The following DYNC2LI1 variants were observed in gnomAD, a reference collection of about 807,000 sequenced individuals.
DYNC2LI1 encodes the protein cytoplasmic dynein 2 light intermediate chain 1.
DYNC2LI1 carries 45 observed loss-of-function variants against 51.9 expected under a neutral mutation model. That is an observed-to-expected ratio of 0.87 (90% confidence interval 0.68 to 1.11). The LOEUF (loss-of-function observed/expected upper bound fraction) is 1.11, where lower values mean the gene tolerates loss of function less well. Among genes scored for constraint, DYNC2LI1 ranks in the 50% most tolerant of loss-of-function variants. DYNC2LI1 has a pLI of 0.00. For missense variants in DYNC2LI1, 490 were observed against 417.4 expected, an observed-to-expected ratio of 1.17 and a Z score of -1.51; for synonymous variants, 130 against 137.8, an observed-to-expected ratio of 0.94 and a Z score of 0.40.
At chr2:43,812,876 G>T (rs1457203946), downstream of DYNC2LI1, 1 of 527,170 alleles carries the variant, frequency 1.9e-6, no homozygotes, top group East Asian at 3.3e-5. Context: ...TCTTGGGTCC[G>T]CTCAGTCACA....
intron 2 of DYNC2LI1, among the ~76,000 whole-genome samples, chr2:43,778,143 A>T (rs1044363564): frequency 6.6e-6 from 1 of 152,168 alleles, no homozygotes; most frequent in African/African-American, 2.4e-5. Context: ...ACCCAACTAT[A>T]TAAGTATATA....
the DYNC2LI1 span, chr2:43,824,176 A>G: frequency 6.2e-7 from 1 of 1,614,066 alleles, no homozygotes; most frequent in Non-Finnish European, 8.5e-7. Flanking sequence ...GGGGATGGCT[A>G]AAGACCTCTA....
At chr2:43,777,835 T>G (rs1673094611) in intron 2 of DYNC2LI1, among the ~76,000 whole-genome samples, 1 of 152,162 alleles carries the variant, frequency 6.6e-6, no homozygotes, top group African/African-American at 2.4e-5. Flanking sequence ...TTACATATAT[T>G]GGGAGAAATA....
At chr2:43,820,213 A>G in the DYNC2LI1 span, 1 of 1,278,900 alleles carries the variant, frequency 7.8e-7, no homozygotes, top group African/African-American at 1.5e-5. Context: ...AGAAGTTTGC[A>G]GGGCAAGCCA....
intron 1 of DYNC2LI1, among the ~76,000 whole-genome samples, chr2:43,776,376 T>C (rs1673023461): frequency 6.6e-6 from 1 of 152,344 alleles, no homozygotes; most frequent in African/African-American, 2.4e-5. Flanking sequence ...GAAAGATTAT[T>C]TGATACACTG....
chr2:43,792,264 T>G (rs1338914621), intron 5 of DYNC2LI1, among the ~76,000 whole-genome samples: 1 of 152,156 alleles, frequency 6.6e-6, no homozygotes, highest in African/African-American at 2.4e-5. Flanking sequence ...ACTTTCTGAA[T>G]TTAGACCAAC....
the DYNC2LI1 span, among the ~76,000 whole-genome samples, chr2:43,816,764 C>T: frequency 6.6e-6 from 1 of 152,184 alleles, no homozygotes; most frequent in Non-Finnish European, 1.5e-5. Context: ...ATATCTTATA[C>T]AACAGGATGA....
the DYNC2LI1 span, among the ~76,000 whole-genome samples, chr2:43,817,250 C>T: frequency 1.3e-5 from 2 of 152,076 alleles, no homozygotes; most frequent in African/African-American, 2.4e-5. Context: ...CTTGGGAGGC[C>T]GAGGCAGGGA....
chr2:43,813,685 G>GT (rs1274645376), downstream of DYNC2LI1, among the ~76,000 whole-genome samples: 50 of 19,212 alleles, frequency 2.6e-3, 1 homozygote, highest in Non-Finnish European at 4.4e-3. Context: ...TTTTTTTTTT[G>GT]TTTTTTTTGG....
chr2:43,824,918 G>A, the DYNC2LI1 span: 2 of 1,614,070 alleles, frequency 1.2e-6, no homozygotes, highest in Admixed American at 1.7e-5. Flanking sequence ...TGAATGTTCA[G>A]GACAAGGGTA....
At chr2:43,813,055 C>A, downstream of DYNC2LI1, 1 of 776,816 alleles carries the variant, frequency 1.3e-6, no homozygotes, top group Non-Finnish European at 2.4e-6. Context: ...TCATTTCAGA[C>A]GTTCAGAGCA....
chr2:43,797,801 AGCCACCATGCCTG>A, intron 8 of DYNC2LI1, among the ~76,000 whole-genome samples: 1 of 152,240 alleles, frequency 6.6e-6, no homozygotes, highest in South Asian at 2.1e-4. Context: ...TACAAGCGTG[AGCCACCATGCCTG>A]GCCAAAACAT....
At chr2:43,827,285 A>G in the DYNC2LI1 span, among the ~76,000 whole-genome samples, 2 of 151,458 alleles carry the variant, frequency 1.3e-5, no homozygotes, top group South Asian at 4.2e-4. Flanking sequence ...AGATCGCACC[A>G]CTGCACTCCA....
chr2:43,790,111 G>A (rs1448279872), intron 5 of DYNC2LI1, among the ~76,000 whole-genome samples: 1 of 152,174 alleles, frequency 6.6e-6, no homozygotes, highest in Non-Finnish European at 1.5e-5. Context: ...AGTATTATAA[G>A]CTACCTTTGA....
At position 43,802,792 on chromosome 2, in the gene DYNC2LI1, A is replaced by G. The variant is rs368465921; in HGVS notation, c.802+1083A>G. Among the ~76,000 whole-genome samples, 5 of 152,216 alleles carry G rather than the reference A, an allele frequency of 3.3e-5. 1 individual carries two copies. The highest frequency in any genetic ancestry group is 2.0e-4 in the Admixed American group (3 of 15,272). ...TTTCAAACCACATATATGACAAAGG[A>G]CTAGTGTTTAGAATATATAAACTCA... On this transcript the variant is annotated intron_variant, in intron 10 of 12. Transcript: ENST00000260605.
At chr2:43,797,555 C>T (rs1421316626) in intron 8 of DYNC2LI1, among the ~76,000 whole-genome samples, 5 of 142,072 alleles carry the variant, frequency 3.5e-5, no homozygotes, top group Non-Finnish European at 7.5e-5. Flanking sequence ...AGTCTCACTC[C>T]GTCACCCAGG....
At chr2:43,794,858 G>T in intron 6 of DYNC2LI1, 1 of 1,431,190 alleles carries the variant, frequency 7.0e-7, no homozygotes, top group Non-Finnish European at 9.1e-7. Context: ...GACATCTTCT[G>T]TGATTGTTAT....
At chr2:43,796,896 T>G in intron 8 of DYNC2LI1, 101 bp downstream of exon 8, 1 of 893,570 alleles carries the variant, frequency 1.1e-6, no homozygotes, top group Middle Eastern at 2.2e-4. Flanking sequence ...CTTTTGCTAA[T>G]GCACATGGTC....
chr2:43,786,805 G>A (rs527606983), intron 3 of DYNC2LI1, among the ~76,000 whole-genome samples: 42 of 151,932 alleles, frequency 2.8e-4, no homozygotes, highest in Non-Finnish European at 4.3e-4. Context: ...CAGCCTGGGC[G>A]ACAAAGCAAG....
Sources: allele counts gnomAD v4.1 joint callset (sites outside exome capture counted in the v4.1 genomes callset), GRCh38; gene constraint gnomAD v4.1.1; transcripts MANE v1.5; gene names NCBI Gene and HGNC (gene_info 2026-07-23, HGNC 2026-07-21).